The following CRACR2A variants were observed in gnomAD, a reference collection of about 807,000 sequenced individuals.
CRACR2A encodes EF-hand calcium-binding domain-containing protein 4B.
In CRACR2A, 79 loss-of-function variants were observed where a neutral mutation model predicts 90.5. The ratio of observed to expected loss-of-function variants is 0.87; its 90% CI spans 0.73 to 1.05. The LOEUF (loss-of-function observed/expected upper bound fraction) is 1.05, where lower values mean the gene tolerates loss of function less well. Ranked by LOEUF, CRACR2A falls within the 50% of genes least tolerant of loss-of-function variation. The probability of loss-of-function intolerance (pLI) is 0.00; values close to 1 mark genes in which losing one functional copy is unlikely to be tolerated. For missense variants in CRACR2A, 823 were observed against 897.2 expected, an observed-to-expected ratio of 0.92 and a Z score of 1.06; for synonymous variants, 338 against 356.7, an observed-to-expected ratio of 0.95 and a Z score of 0.59.
At chr12:3,697,782 C>T (rs1296458251) in intron 3 of CRACR2A, among the ~76,000 whole-genome samples, 16 of 152,208 alleles carry the variant, frequency 1.1e-4, no homozygotes, top group Non-Finnish European at 1.5e-5. Context: ...CAAGGAGCTT[C>T]ATGTTGTAGA....
At chr12:3,659,719 G>A in intron 7 of CRACR2A, 65 bp from the exon 8 acceptor site, 1 of 1,317,300 alleles carries the variant, frequency 7.6e-7, no homozygotes, top group Non-Finnish European at 1.1e-6. Context: ...AGCTCCTGGA[G>A]CTCAGACACC....
chr12:3,719,819 T>G (rs922806879), intron 2 of CRACR2A, among the ~76,000 whole-genome samples: 1 of 152,138 alleles, frequency 6.6e-6, no homozygotes, highest in African/African-American at 2.4e-5. Flanking sequence ...CCTACATTTT[T>G]TATAAAAATG....
chr12:3,668,618 T>C (rs1168205429), intron 7 of CRACR2A, among the ~76,000 whole-genome samples: 1 of 152,054 alleles, frequency 6.6e-6, no homozygotes, highest in African/African-American at 2.4e-5. Context: ...ATGACATCTC[T>C]TCCCTGAAAA....
rs1308736309 is a variant in CRACR2A at position 3,633,205 on chromosome 12, C to CGGGA, written c.1735+395_1735+398dup. Among the ~76,000 whole-genome samples the CGGGA allele has an allele frequency of 6.6e-6, 1 of 151,684 alleles. No individual in the cohort carries two copies. The highest frequency in any genetic ancestry group is 1.5e-5 in the Non-Finnish European group (1 of 67,932). On this transcript the variant is annotated intron_variant, in intron 15 of 19. Coordinates refer to ENST00000440314, the MANE Select transcript of CRACR2A (RefSeq NM_001144958.2). This position sits in a 1 kb window ranked among gnomAD's most constrained non-coding sequence, Gnocchi z 4.5. ...GGGAGGTGTGGCAGGATGTGGGTCTCGGGAGGAGTCCTGGTCAGTTCAGGG... is the reference window on the plus strand; with the variant it reads ...GGGAGGTGTGGCAGGATGTGGGTCTCGGGAGGGAGGAGTCCTGGTCAGTTCAGGG...
chr12:3,699,061 C>T (rs1945790270), intron 3 of CRACR2A, among the ~76,000 whole-genome samples: 1 of 152,182 alleles, frequency 6.6e-6, no homozygotes, highest in Non-Finnish European at 1.5e-5. Flanking sequence ...ACCTGACATC[C>T]TCCCATATGG....
Position 3,716,078 on chromosome 12 carries a change from T to A in CRACR2A, c.-117-2761A>T, listed in dbSNP as rs115176135. Among the ~76,000 whole-genome samples, 1,315 of 152,108 alleles carry A rather than the reference T, an allele frequency of 8.6e-3. 31 individuals are homozygous for A. The highest frequency in any genetic ancestry group is 0.03 in the African/African-American group (1,237 of 41,472). ...CCCAGGCTTTTTTTTTTTTTCTTTT[T>A]AGGTGTTTTTCTTCTAATGCTTTGG... is the stretch of plus-strand genomic sequence containing the variant. On this transcript the variant is annotated intron_variant, in intron 2 of 19. Coordinates refer to ENST00000440314, the MANE Select transcript of CRACR2A (RefSeq NM_001144958.2).
intron 11 of CRACR2A, among the ~76,000 whole-genome samples, chr12:3,647,166 CCT>C (rs1324975370): frequency 2.0e-5 from 3 of 150,120 alleles, no homozygotes; most frequent in Non-Finnish European, 3.0e-5. Flanking sequence ...CCGTCCCACC[CCT>C]ACCCTCCCCT....
At chr12:3,747,806 ACGTGTG>A (rs1203080499) in intron 1 of CRACR2A, among the ~76,000 whole-genome samples, 1 of 152,190 alleles carries the variant, frequency 6.6e-6, no homozygotes, top group Non-Finnish European at 1.5e-5. Flanking sequence ...CACCTGTAGC[ACGTGTG>A]CTACGTCTCA....
At chr12:3,721,798 T>C (rs1946182228) in intron 2 of CRACR2A, among the ~76,000 whole-genome samples, 1 of 152,206 alleles carries the variant, frequency 6.6e-6, no homozygotes, top group Non-Finnish European at 1.5e-5. Flanking sequence ...GTGATTTTTA[T>C]GATGTTCTTT....
chr12:3,651,915 T>A (rs1280557843), intron 10 of CRACR2A, among the ~76,000 whole-genome samples: 2 of 152,306 alleles, frequency 1.3e-5, no homozygotes, highest in East Asian at 1.9e-4. Flanking sequence ...AACCCCACTC[T>A]ATGGAGAACA....
chr12:3,691,597 A>T (rs1437141576), intron 4 of CRACR2A, among the ~76,000 whole-genome samples: 2 of 152,086 alleles, frequency 1.3e-5, no homozygotes, highest in Non-Finnish European at 2.9e-5. Context: ...AATCTTGGAA[A>T]ATCTGATTAT....
chr12:3,681,568 G>GGTCTCCA (rs1945452936), intron 4 of CRACR2A, among the ~76,000 whole-genome samples: 3 of 152,204 alleles, frequency 2.0e-5, no homozygotes, highest in Admixed American at 2.0e-4. Flanking sequence ...CTCCAAATGA[G>GGTCTCCA]AACTCCCCAG....
At chr12:3,626,783 C>T (rs1037646884) in intron 17 of CRACR2A, among the ~76,000 whole-genome samples, 9 of 152,096 alleles carry the variant, frequency 5.9e-5, no homozygotes, top group African/African-American at 2.2e-4. Context: ...AAAGCATGTA[C>T]AAAACGACAT....
intron 4 of CRACR2A, among the ~76,000 whole-genome samples, chr12:3,693,142 C>T (rs560637554): frequency 1.2e-4 from 18 of 152,314 alleles, no homozygotes; most frequent in Admixed American, 5.2e-4. Flanking sequence ...ACACATGCAC[C>T]GGCAAAGCAA....
intron 13 of CRACR2A, chr12:3,640,337 T>A (rs1279704454): frequency 3.1e-6 from 1 of 320,580 alleles, no homozygotes; most frequent in African/African-American, 2.2e-5. Context: ...CTCACTACTG[T>A]ATATCCAGCA....
intron 3 of CRACR2A, among the ~76,000 whole-genome samples, chr12:3,712,486 A>G (rs554222325): frequency 6.6e-6 from 1 of 152,248 alleles, no homozygotes; most frequent in Admixed American, 6.5e-5. Flanking sequence ...AGAGAGAGAC[A>G]CAGTTGGGGG....
At chr12:3,705,382 T>C (rs947730095) in intron 3 of CRACR2A, among the ~76,000 whole-genome samples, 1 of 152,122 alleles carries the variant, frequency 6.6e-6, no homozygotes, top group African/African-American at 2.4e-5. Context: ...CAAACCTAAA[T>C]CCCTCCTAAG....
At chr12:3,671,761 T>G (rs1356926035) in intron 7 of CRACR2A, among the ~76,000 whole-genome samples, 1 of 152,244 alleles carries the variant, frequency 6.6e-6, no homozygotes, top group Non-Finnish European at 1.5e-5. Flanking sequence ...TTATTTAAAA[T>G]ACTAATAATT....
intron 11 of CRACR2A, among the ~76,000 whole-genome samples, chr12:3,646,761 G>A (rs1208778564): frequency 6.6e-6 from 1 of 152,136 alleles, no homozygotes; most frequent in African/African-American, 2.4e-5. Context: ...AAGTCCCACC[G>A]TTTTTTGGAA....
Sources: gnomAD v4.1 joint callset for allele counts (sites outside exome capture counted in the v4.1 genomes callset) on GRCh38, gnomAD v4.1.1 for gene constraint, Gnocchi (gnomAD v3.1) non-coding constraint, MANE v1.5 for transcripts, NCBI Gene and HGNC (gene_info 2026-07-23, HGNC 2026-07-21) for gene names.